Variants in PAPOLA observed in about 807,000 individuals in gnomAD.
PAPOLA encodes the protein polynucleotide adenylyltransferase alpha.
A neutral mutation model predicts 100.6 loss-of-function variants in PAPOLA; 15 were observed. The observed-to-expected ratio is 0.15, with a 90% CI of 0.10 to 0.23. The LOEUF (loss-of-function observed/expected upper bound fraction) is 0.23, where lower values mean the gene tolerates loss of function less well. Among genes scored for constraint, PAPOLA ranks in the 10% least tolerant of loss-of-function variants. The pLI is 1.00. For missense variants in PAPOLA, 533 were observed against 884.2 expected, an observed-to-expected ratio of 0.60 and a Z score of 5.04; for synonymous variants, 293 against 300.0, an observed-to-expected ratio of 0.98 and a Z score of 0.24.
At chr14:96,515,794 C>T (rs914502617) in intron 1 of PAPOLA, among the ~76,000 whole-genome samples, 4 of 152,044 alleles carry the variant, frequency 2.6e-5, no homozygotes, top group Non-Finnish European at 5.9e-5. Context: ...TTTTGTGTTA[C>T]GTAAATTGTA....
chr14:96,513,615 GT>G (rs754785299), intron 1 of PAPOLA, among the ~76,000 whole-genome samples: 1 of 151,766 alleles, frequency 6.6e-6, no homozygotes, highest in African/African-American at 2.4e-5. Context: ...ATAAGGGCTC[GT>G]TTTTTTTACA....
intron 1 of PAPOLA, among the ~76,000 whole-genome samples, chr14:96,512,809 C>G (rs1897193240): frequency 6.6e-6 from 1 of 152,176 alleles, no homozygotes; most frequent in African/African-American, 2.4e-5. Context: ...CAGTGAACAA[C>G]CTTGATTACC....
intron 1 of PAPOLA, among the ~76,000 whole-genome samples, chr14:96,507,237 C>T (rs535564460): frequency 1.3e-5 from 2 of 148,610 alleles, no homozygotes; most frequent in South Asian, 2.1e-4. Flanking sequence ...TACAGAAATG[C>T]AAAAGCATGC....
In PAPOLA at chr14:96,566,557, T is replaced by C. The variant is rs181165367; in HGVS notation, c.*1507T>C. The C allele has an allele frequency of 2.0e-5, 3 of 152,718 alleles. No homozygotes were observed. The East Asian group carries it at 5.8e-4, about 29-fold the overall frequency. 9.5% of individuals were successfully genotyped at this position (152,718 alleles called of 1,614,324 possible). A position where few individuals can be genotyped will look rare whatever the true frequency, so the allele number is the denominator to read the frequency against. ...TACTTAATCTCTTCCCCTATCCTTC[T>C]AAATTAATTTTCTGAAGTTGGAGTG... is the stretch of plus-strand genomic sequence containing the variant. On this transcript the variant is annotated 3_prime_UTR_variant, in exon 22 of 22. Transcript: ENST00000216277.
rs564420167 is a variant in PAPOLA at position 96,556,705 on chromosome 14, T to C, written c.2004+292T>C. ...ATTTAACATGAAATTACATGTATTC[T>C]TAACTTATTATTCTCTAATGACTAC... On this transcript the variant is annotated intron_variant, in intron 19 of 21. Transcript: ENST00000216277. Among the ~76,000 whole-genome samples the C allele has an allele frequency of 4.6e-5, 7 of 152,356 alleles. No individual in the cohort carries two copies. The East Asian group carries it at 9.6e-4, about 21-fold the overall frequency.
intron 9 of PAPOLA, chr14:96,533,207 G>A (rs1292526280): frequency 2.0e-6 from 2 of 982,280 alleles, no homozygotes; most frequent in African/African-American, 3.5e-5. Flanking sequence ...TTCCACATAT[G>A]TCAACTATGA....
At chr14:96,502,795 C>G in intron 1 of PAPOLA, 195 bp downstream of exon 1, 1 of 553,912 alleles carries the variant, frequency 1.8e-6, no homozygotes. Context: ...TGGGTTCCCG[C>G]GTCCCCCGAC....
intron 1 of PAPOLA, among the ~76,000 whole-genome samples, chr14:96,516,886 A>G (rs551882735): frequency 6.6e-6 from 1 of 152,320 alleles, no homozygotes; most frequent in East Asian, 1.9e-4. Context: ...GTTAAAGTAG[A>G]CAGGAGCTTT....
intron 9 of PAPOLA, chr14:96,534,268 T>A: frequency 7.4e-7 from 1 of 1,347,644 alleles, no homozygotes; most frequent in Non-Finnish European, 9.5e-7. Flanking sequence ...GAGAACGTTT[T>A]TGGTTTCAGT....
rs763500131 is a variant in PAPOLA, at chr14:96,520,089, C to T, written c.43C>T (p.Pro15Ser). The change falls in exon 2 of 22, where the codon CCG becomes TCG. Residue 15 changes from proline to serine, a missense_variant. Around this residue, in one of 9 missense-constraint regions of PAPOLA, gnomAD observed 48 missense variants for 52.3 expected, o/e 0.92. Transcript: ENST00000216277. ...AACACAGGGATCACAACAAACACAA[C>T]CGCCACAGAAGCACTATGGCATTAC... Reference protein sequence around the residue: ...VTTQGSQQTQPPQKHYGITSP... With the variant: ...VTTQGSQQTQSPQKHYGITSP... The T allele has an allele frequency of 1.2e-6, 2 of 1,613,642 alleles. No homozygotes were observed. Among genetic ancestry groups the T allele is most frequent in the Admixed American group, 3.3e-5 (2 of 59,928 alleles).
At chr14:96,531,341 A>C in intron 6 of PAPOLA, 134 bp from the exon 7 acceptor site, 1 of 642,114 alleles carries the variant, frequency 1.6e-6, no homozygotes. Flanking sequence ...CATGTTGCCC[A>C]GGCTGGTCTT....
chr14:96,564,448 T>C (rs935895249), intron 21 of PAPOLA, among the ~76,000 whole-genome samples: 2 of 152,128 alleles, frequency 1.3e-5, no homozygotes, highest in South Asian at 4.1e-4. Context: ...AATATGAAAA[T>C]AATCTACCTA....
intron 18 of PAPOLA, 55 bp downstream of exon 18, chr14:96,556,002 C>T: frequency 7.6e-7 from 1 of 1,313,078 alleles, no homozygotes; most frequent in South Asian, 1.2e-5. Context: ...TTTGGTTTAG[C>T]CTTCATTTTG....
intron 11 of PAPOLA, among the ~76,000 whole-genome samples, chr14:96,536,638 CA>C (rs1899557204): frequency 1.3e-5 from 2 of 151,952 alleles, no homozygotes; most frequent in African/African-American, 4.8e-5. Flanking sequence ...TTAGAAACAA[CA>C]GGGAAACTTG....
intron 16 of PAPOLA, among the ~76,000 whole-genome samples, chr14:96,550,026 T>C (rs999964178): frequency 6.6e-6 from 1 of 152,184 alleles, no homozygotes; most frequent in Non-Finnish European, 1.5e-5. Flanking sequence ...CTGGGCCTTA[T>C]AGTCCTAGCT....
intron 3 of PAPOLA, among the ~76,000 whole-genome samples, chr14:96,524,279 T>C (rs1898267850): frequency 6.6e-6 from 1 of 152,168 alleles, no homozygotes; most frequent in African/African-American, 2.4e-5. Flanking sequence ...ACCGTAAAGC[T>C]TGGGACTTTA....
intron 10 of PAPOLA, 129 bp downstream of exon 10, chr14:96,534,692 T>C: frequency 6.6e-7 from 1 of 1,506,990 alleles, no homozygotes; most frequent in Non-Finnish European, 8.8e-7. Flanking sequence ...CACTTTCTTT[T>C]AGATAACCTC....
chr14:96,545,399 C>T lies in PAPOLA; in HGVS notation c.1399+1141C>T, dbSNP rs143507317. Among the ~76,000 whole-genome samples the T allele has an allele frequency of 2.2e-3, 329 of 152,112 alleles. 1 individual carries two copies. The highest frequency in any genetic ancestry group is 7.4e-3 in the African/African-American group (307 of 41,510). ...TGACATCTATAAATTCTGACTGATACAAGTGTTGTCTGTAGGGATTCAGCT... is the reference window on the plus strand; with the variant it reads ...TGACATCTATAAATTCTGACTGATATAAGTGTTGTCTGTAGGGATTCAGCT... On this transcript the variant is annotated intron_variant, in intron 15 of 21. Coordinates refer to ENST00000216277, the MANE Select transcript of PAPOLA (RefSeq NM_032632.5).
At chr14:96,502,752 C>T in intron 1 of PAPOLA, 152 bp downstream of exon 1, 2 of 747,652 alleles carry the variant, frequency 2.7e-6, no homozygotes, top group African/African-American at 2.1e-5. Context: ...CCTGTTTCCT[C>T]GCTCGCTCGC....
Sources: allele counts gnomAD v4.1 joint callset (sites outside exome capture counted in the v4.1 genomes callset), GRCh38; gene constraint gnomAD v4.1.1; regional missense constraint gnomAD v4.1.1; transcripts MANE v1.5; gene names NCBI Gene and HGNC (gene_info 2026-07-23, HGNC 2026-07-21).